Variants in CSGALNACT1 observed in about 807,000 individuals in gnomAD.
CSGALNACT1 encodes the protein beta4GalNAcT-1.
CSGALNACT1 carries 52 observed loss-of-function variants against 51.0 expected under a neutral mutation model. The observed-to-expected ratio is 1.02, with a 90% CI of 0.82 to 1.29. CSGALNACT1 has a LOEUF of 1.29. Ranked by LOEUF, CSGALNACT1 falls within the 50% of genes most tolerant of loss-of-function variation. The probability of loss-of-function intolerance (pLI) is 0.00; values close to 1 mark genes in which losing one functional copy is unlikely to be tolerated. For missense variants in CSGALNACT1, 935 were observed against 679.2 expected (o/e 1.38, Z -4.19); for synonymous variants, 341 against 254.4 (o/e 1.34, Z -3.24).
chr8:19,605,414 G>A (rs749785576), upstream of CSGALNACT1, among the ~76,000 whole-genome samples: 2 of 152,138 alleles, frequency 1.3e-5, no homozygotes, highest in Non-Finnish European at 2.9e-5. Context: ...CCAGCCTGGG[G>A]GAGAGAGTGA....
intron 9 of CSGALNACT1, among the ~76,000 whole-genome samples, chr8:19,408,269 C>T (rs1017368763): frequency 6.6e-6 from 1 of 152,138 alleles, no homozygotes; most frequent in African/African-American, 2.4e-5. Context: ...CACCTACTAC[C>T]AGGCCCCCTC....
At chr8:19,746,908 C>G (rs1018889658) in intron 1 of CSGALNACT1, among the ~76,000 whole-genome samples, 5 of 152,218 alleles carry the variant, frequency 3.3e-5, no homozygotes, top group African/African-American at 1.2e-4. Context: ...GTTTCACACA[C>G]TGGCATGTCA....
intron 3 of CSGALNACT1, among the ~76,000 whole-genome samples, chr8:19,572,214 A>G (rs1175894389): frequency 1.3e-5 from 2 of 152,234 alleles, no homozygotes; most frequent in Non-Finnish European, 2.9e-5. Context: ...CTGTAACACC[A>G]GAGCCACTTC....
chr8:19,674,626 A>G (rs1238310404), intron 1 of CSGALNACT1, among the ~76,000 whole-genome samples: 1 of 152,202 alleles, frequency 6.6e-6, no homozygotes, highest in Non-Finnish European at 1.5e-5. Flanking sequence ...CCGCAGTGAT[A>G]GGTAAGCAGT....
At chr8:19,517,464 A>C (rs1325138890) in intron 3 of CSGALNACT1, among the ~76,000 whole-genome samples, 3 of 152,152 alleles carry the variant, frequency 2.0e-5, no homozygotes, top group Non-Finnish European at 4.4e-5. Context: ...GAAGAAAAAG[A>C]GAATATCTCT....
At chr8:19,440,561 C>T (rs10112117) in intron 5 of CSGALNACT1, among the ~76,000 whole-genome samples, 3,199 of 152,124 alleles carry the variant, frequency 0.021, 107 homozygotes, top group African/African-American at 0.073. Flanking sequence ...ATTGATGGGA[C>T]GTATTTCAAA....
chr8:19,483,949 G>T (rs1423955335), intron 4 of CSGALNACT1, among the ~76,000 whole-genome samples: 1 of 152,044 alleles, frequency 6.6e-6, no homozygotes, highest in Admixed American at 6.6e-5. Flanking sequence ...AGTCAATTGA[G>T]GTCCAAAAAT....
chr8:19,452,230 A>C (rs977591885), intron 5 of CSGALNACT1, among the ~76,000 whole-genome samples: 30 of 152,372 alleles, frequency 2.0e-4, no homozygotes, highest in African/African-American at 7.2e-4. Flanking sequence ...GAGGAGACAC[A>C]GATTCAGGTG....
intron 1 of CSGALNACT1, among the ~76,000 whole-genome samples, chr8:19,704,036 C>G (rs1589605610): frequency 6.6e-6 from 1 of 152,188 alleles, no homozygotes; most frequent in Non-Finnish European, 1.5e-5. Context: ...ACACACTACA[C>G]TGCACATGGG....
chr8:19,744,281 T>C (rs2064504545), intron 1 of CSGALNACT1, among the ~76,000 whole-genome samples: 2 of 152,248 alleles, frequency 1.3e-5, no homozygotes, highest in Admixed American at 1.3e-4. Flanking sequence ...AGAAGCTCAA[T>C]GCATTATTTA....
At chr8:19,433,684 T>C (rs1044926993) in intron 6 of CSGALNACT1, among the ~76,000 whole-genome samples, 2 of 152,178 alleles carry the variant, frequency 1.3e-5, no homozygotes, top group Non-Finnish European at 2.9e-5. Context: ...AACTCTCTGG[T>C]TGTGATGTTT....
At chr8:19,587,310 C>A (rs991973841) in intron 3 of CSGALNACT1, among the ~76,000 whole-genome samples, 1 of 152,186 alleles carries the variant, frequency 6.6e-6, no homozygotes, top group African/African-American at 2.4e-5. Flanking sequence ...GCTTAGTCTA[C>A]GACTGGTAGT....
At chr8:19,694,929 C>T (rs1230390896) in intron 1 of CSGALNACT1, among the ~76,000 whole-genome samples, 1 of 152,212 alleles carries the variant, frequency 6.6e-6, no homozygotes, top group East Asian at 1.9e-4. Flanking sequence ...CACACAGAGG[C>T]CCCATGTCTG....
At chr8:19,751,949 A>C (rs1362218708) in intron 1 of CSGALNACT1, among the ~76,000 whole-genome samples, 1 of 151,936 alleles carries the variant, frequency 6.6e-6, no homozygotes, top group Non-Finnish European at 1.5e-5. Flanking sequence ...TCTTTACATC[A>C]TTGTGAGAAC....
chr8:19,513,404 T>TTCTCTCTCTCTC lies in CSGALNACT1; in HGVS notation c.-296-7275_-296-7274insGAGAGAGAGAGA, dbSNP rs146482632. 1.6e-3 allele frequency among the ~76,000 whole-genome samples: 149 copies of TTCTCTCTCTCTC among 94,992 alleles called. 11 individuals carry two copies. The highest frequency in any genetic ancestry group is 5.9e-3 in the South Asian group (16 of 2,724). 62.3% of individuals were successfully genotyped at this position (94,992 alleles called of 152,430 possible). On this transcript the variant is annotated intron_variant, in intron 3 of 9. Transcript: ENST00000454498. Reference sequence around the variant, plus strand: ...CCCAGTACATTCTGTTCATAGAATTTTCTCTCTCTCACTCTCTCTCTCTCT... The same window carrying TTCTCTCTCTCTC: ...CCCAGTACATTCTGTTCATAGAATTTTCTCTCTCTCTCTCTCTCTCTCACTCTCTCTCTCTCT...
intron 1 of CSGALNACT1, among the ~76,000 whole-genome samples, chr8:19,660,184 T>TC (rs1344459751): frequency 6.6e-6 from 1 of 152,046 alleles, no homozygotes; most frequent in Admixed American, 6.5e-5. Flanking sequence ...ATACAGGGCA[T>TC]TCTATATTAT....
intron 1 of CSGALNACT1, among the ~76,000 whole-genome samples, chr8:19,612,871 T>C (rs1006595122): frequency 1.5e-5 from 2 of 135,686 alleles, no homozygotes; most frequent in Non-Finnish European, 3.1e-5. Context: ...AGCAACTAAA[T>C]AAGGCAGTTG....
At chr8:19,742,550 C>G (rs949334304) in intron 1 of CSGALNACT1, among the ~76,000 whole-genome samples, 3 of 152,336 alleles carry the variant, frequency 2.0e-5, no homozygotes, top group Admixed American at 6.5e-5. Flanking sequence ...GCATCCCCCA[C>G]GACAGCTGTT....
chr8:19,618,714 A>T lies in CSGALNACT1; in HGVS notation c.-543-16849T>A, dbSNP rs182181976. Among the ~76,000 whole-genome samples the T allele has an allele frequency of 1.3e-4, 19 of 151,130 alleles. No individual in the cohort carries two copies. The East Asian group carries it at 3.5e-3, about 28-fold the overall frequency. On this transcript the variant is annotated intron_variant, in intron 1 of 9. Coordinates refer to the CSGALNACT1 transcript ENST00000332246. ...AAAAGAAAACCTTAGCAATCATGGC[A>T]CCCAGCTTCTCCCTGTCCTAGAAAC...
Sources: allele counts gnomAD v4.1 joint callset (sites outside exome capture counted in the v4.1 genomes callset), GRCh38; gene constraint gnomAD v4.1.1; transcripts MANE v1.5; gene names NCBI Gene and HGNC (gene_info 2026-07-23, HGNC 2026-07-21).